Variants in ZNF439 observed in about 807,000 individuals in gnomAD.
ZNF439 encodes the protein zinc finger protein 439.
Under a neutral mutation model 47.3 loss-of-function variants are expected in ZNF439, and 40 were observed. The observed-to-expected ratio is 0.85, with a 90% CI of 0.66 to 1.10. The LOEUF (loss-of-function observed/expected upper bound fraction) is 1.10, where lower values mean the gene tolerates loss of function less well. ZNF439 is among the 50% of genes least tolerant of loss of function. The pLI is 0.00. For missense variants in ZNF439, 556 were observed against 601.1 expected (o/e 0.93, Z 0.78); for synonymous variants, 171 against 198.8 (o/e 0.86, Z 1.18).
At chr19:11,866,621 G>A (rs1056392293) in intron 3 of ZNF439, 24 bp downstream of exon 3, 1 of 1,604,060 alleles carries the variant, frequency 6.2e-7, no homozygotes, top group African/African-American at 1.3e-5. Flanking sequence ...ATAAGAGAAA[G>A]CAGTGTCTCT....
chr19:11,850,479 C>T (rs1460015477), intron 1 of ZNF439: 1 of 152,026 alleles, frequency 6.6e-6, no homozygotes, highest in African/African-American at 2.4e-5. Flanking sequence ...GAGATGCAGT[C>T]GCCTTATTTG....
intron 1 of ZNF439, among the ~76,000 whole-genome samples, chr19:11,851,661 A>T (rs1290598529): frequency 7.7e-6 from 1 of 130,586 alleles, no homozygotes; most frequent in Admixed American, 7.1e-5. Flanking sequence ...ACAATAATTT[A>T]ATTTTTTTTT....
chr19:11,859,939 G>A (rs1018511408), intron 1 of ZNF439, among the ~76,000 whole-genome samples: 3 of 152,096 alleles, frequency 2.0e-5, no homozygotes, highest in African/African-American at 4.8e-5. Flanking sequence ...AGGAGATAAC[G>A]GCAGAAGGAC....
chr19:11,850,276 G>C (rs1460295052), intron 1 of ZNF439: 1 of 152,142 alleles, frequency 6.6e-6, no homozygotes, highest in Non-Finnish European at 1.5e-5. Flanking sequence ...GTTTCACCAT[G>C]TTGGCCAGGC....
intron 1 of ZNF439, chr19:11,856,828 A>C (rs1976399211): frequency 1.3e-5 from 2 of 152,274 alleles, no homozygotes; most frequent in Admixed American, 1.3e-4. Context: ...TGGTCCAGGG[A>C]GTTGTATGTG....
rs1356609617 is a variant in ZNF439, at chr19:11,868,675, C to A, written c.*106C>A. The A allele has an allele frequency of 4.0e-6, 5 of 1,245,582 alleles. No individual in the cohort carries two copies. The highest frequency in any genetic ancestry group is 5.7e-6 in the Non-Finnish European group (5 of 874,744). The allele number at this position is 1,245,582 out of a possible 1,614,324, so 77.2% of individuals were successfully genotyped here. A position where few individuals can be genotyped will look rare whatever the true frequency, so the allele number is the denominator to read the frequency against. On this transcript the variant is annotated 3_prime_UTR_variant, in exon 4 of 4. Transcript: ENST00000682736. ...ATAAATGCAAGCAATGTGGTAAAGCCTTAATTGTTCCAGTTCCTTTCGATA... is the reference window on the plus strand; with the variant it reads ...ATAAATGCAAGCAATGTGGTAAAGCATTAATTGTTCCAGTTCCTTTCGATA...
chr19:11,860,453 C>T (rs1976508184), intron 1 of ZNF439, among the ~76,000 whole-genome samples: 1 of 152,088 alleles, frequency 6.6e-6, no homozygotes, highest in Admixed American at 6.6e-5. Flanking sequence ...TTTATATCAG[C>T]TGCCGGCAGA....
Sources: gnomAD v4.1 joint callset for allele counts (sites outside exome capture counted in the v4.1 genomes callset) on GRCh38, gnomAD v4.1.1 for gene constraint, MANE v1.5 for transcripts, NCBI Gene and HGNC (gene_info 2026-07-23, HGNC 2026-07-21) for gene names.